The following GRIN2A variants were observed in gnomAD, a reference collection of about 807,000 sequenced individuals.
The protein encoded by GRIN2A is glutamate receptor ionotropic, NMDA 2A.
In GRIN2A, 22 loss-of-function variants were observed where a neutral mutation model predicts 113.4. The observed-to-expected ratio is 0.19, with a 90% CI of 0.14 to 0.28. The LOEUF is 0.28. Among genes scored for constraint, GRIN2A ranks in the 10% least tolerant of loss-of-function variants. The pLI, the probability that GRIN2A is intolerant of heterozygous loss-of-function variation, is 1.00. For synonymous variants in GRIN2A, 827 were observed against 738.4 expected (o/e 1.12, Z -1.94); for missense variants, 1,502 against 1,887.0 (o/e 0.80, Z 3.78).
intron 2 of GRIN2A, among the ~76,000 whole-genome samples, chr16:10,006,916 A>C (rs535925171): frequency 6.6e-6 from 1 of 152,344 alleles, no homozygotes; most frequent in Admixed American, 6.5e-5. Flanking sequence ...TATTTCACTT[A>C]ACATAGTGAC....
chr16:10,036,541 C>T (rs190948640), intron 2 of GRIN2A, among the ~76,000 whole-genome samples: 10 of 136,952 alleles, frequency 7.3e-5, no homozygotes, highest in African/African-American at 2.1e-4. Flanking sequence ...TCATTGCAAA[C>T]GCCATTCTCC....
intron 2 of GRIN2A, among the ~76,000 whole-genome samples, chr16:10,097,661 G>A (rs1177127981): frequency 6.6e-6 from 1 of 152,160 alleles, no homozygotes; most frequent in Non-Finnish European, 1.5e-5. Context: ...TGGGGACAGG[G>A]ATGGCTGATA....
chr16:9,994,800 G>A (rs542345279), intron 2 of GRIN2A, among the ~76,000 whole-genome samples: 18 of 152,330 alleles, frequency 1.2e-4, no homozygotes, highest in Middle Eastern at 3.4e-3. Flanking sequence ...CCTTTACCCT[G>A]AAAGTGCTTT....
intron 3 of GRIN2A, among the ~76,000 whole-genome samples, chr16:9,900,385 A>T (rs1471121217): frequency 6.6e-6 from 1 of 152,102 alleles, no homozygotes; most frequent in Non-Finnish European, 1.5e-5. Flanking sequence ...TGGGCATCCA[A>T]CTCTATTCAG....
In GRIN2A at chr16:10,024,221, T is replaced by C. The variant is rs551259430; in HGVS notation, c.415-85670A>G. Among the ~76,000 whole-genome samples, 3 of 108,060 alleles carry C rather than the reference T, an allele frequency of 2.8e-5. No homozygotes were observed. In the East Asian group the frequency reaches 6.3e-4, roughly 23 times the overall value. The allele number at this position is 108,060 out of a possible 152,430, so 70.9% of individuals were successfully genotyped here. ...CAAGTGGTCTCATTAATGGTATGCA[T>C]GTTTGTTTGTTTGTTTGTTTGAGAC... is the stretch of plus-strand genomic sequence containing the variant. On this transcript the variant is annotated intron_variant, in intron 2 of 12. Transcript: ENST00000330684.
chr16:9,950,265 C>T (rs983195170), intron 2 of GRIN2A, among the ~76,000 whole-genome samples: 4 of 152,178 alleles, frequency 2.6e-5, no homozygotes, highest in Non-Finnish European at 5.9e-5. Context: ...CACTCCCAAG[C>T]CCCTTTATGT....
intron 2 of GRIN2A, among the ~76,000 whole-genome samples, chr16:10,172,558 A>C (rs1262247768): frequency 1.3e-5 from 2 of 152,224 alleles, no homozygotes; most frequent in Admixed American, 6.5e-5. Context: ...TGGGGAATTT[A>C]AGAAAGGAGG....
chr16:9,991,504 A>G (rs2046111890), intron 2 of GRIN2A, among the ~76,000 whole-genome samples: 1 of 152,178 alleles, frequency 6.6e-6, no homozygotes, highest in African/African-American at 2.4e-5. Context: ...TGTCACTCAA[A>G]AGTGTCTATT....
In GRIN2A at chr16:9,764,146, G is replaced by C. The variant is rs1311723266; in HGVS notation, c.3398C>G (p.Pro1133Arg). Reference sequence around the variant, plus strand: ...CAGGGTCACATTTTCAACAAACTGGGGTGGATCTAAGTGGAAACCAGGCTC... The same window carrying C: ...CAGGGTCACATTTTCAACAAACTGGCGTGGATCTAAGTGGAAACCAGGCTC... ...EKEPGFHLDP[P>R]QFVENVTLPE... The change falls in exon 13 of 13, where the codon CCC becomes CGC. Residue 1133 changes from proline to arginine, a missense_variant. This residue lies in a region of GRIN2A where 832 missense variants were observed against 789.7 expected (regional missense o/e 1.05). Transcript: ENST00000330684. 5.0e-6 allele frequency: 8 copies of C among 1,613,582 alleles called. 1 individual carries two copies. The South Asian group carries it at 8.8e-5, about 18-fold the overall frequency.
At chr16:10,156,020 A>T (rs2049685967) in intron 2 of GRIN2A, among the ~76,000 whole-genome samples, 1 of 152,204 alleles carries the variant, frequency 6.6e-6, no homozygotes, top group African/African-American at 2.4e-5. Context: ...TCGCACAGAA[A>T]TCCACTTTAA....
chr16:9,839,445 CCTT>C (rs1234283209), intron 7 of GRIN2A, among the ~76,000 whole-genome samples: 1 of 151,690 alleles, frequency 6.6e-6, no homozygotes, highest in African/African-American at 2.4e-5. Context: ...ACAAGAATTT[CCTT>C]CTTTACAAAC....
intron 3 of GRIN2A, among the ~76,000 whole-genome samples, chr16:9,912,141 C>T (rs184788172): frequency 1.6e-4 from 24 of 149,456 alleles, no homozygotes; most frequent in African/African-American, 5.0e-4. Flanking sequence ...ATGACGATGA[C>T]GATAAAGGAA....
At chr16:9,794,066 G>A (rs1425501414) in intron 11 of GRIN2A, among the ~76,000 whole-genome samples, 1 of 152,186 alleles carries the variant, frequency 6.6e-6, no homozygotes, top group African/African-American at 2.4e-5. Flanking sequence ...ACATATGCAT[G>A]AGCATTGTTA....
Position 9,759,529 on chromosome 16 carries a change from C to T in GRIN2A, c.*3620G>A, listed in dbSNP as rs1900488815. ...AAACAAGGTGTAATTTTCTATTTTT[C>T]TCCCCAGAAAATAAGCGTGAAATGA... On this transcript the variant is annotated 3_prime_UTR_variant, in exon 13 of 13. Transcript: ENST00000330684. 4.5e-6 allele frequency: 1 copy of T among 224,650 alleles called. No individual in the cohort carries two copies. The highest frequency in any genetic ancestry group is 6.5e-5 in the East Asian group (1 of 15,412). 13.9% of individuals were successfully genotyped at this position (224,650 alleles called of 1,614,324 possible).
At chr16:9,766,036 G>A (rs16966266) in intron 12 of GRIN2A, among the ~76,000 whole-genome samples, 2,516 of 152,236 alleles carry the variant, frequency 0.017, 57 homozygotes, top group African/African-American at 0.057. Flanking sequence ...GCAAAAGGAC[G>A]TCTGGAACAT....
intron 2 of GRIN2A, among the ~76,000 whole-genome samples, chr16:10,080,907 T>G (rs1025781813): frequency 5.9e-5 from 9 of 152,136 alleles, no homozygotes; most frequent in African/African-American, 1.9e-4. Flanking sequence ...CATTCCTTCA[T>G]TCCCGTCTCA....
At chr16:10,110,559 G>C (rs1206786463) in intron 2 of GRIN2A, among the ~76,000 whole-genome samples, 1 of 152,212 alleles carries the variant, frequency 6.6e-6, no homozygotes, top group Non-Finnish European at 1.5e-5. Context: ...CCAGGACTGG[G>C]GGGTGCATGG....
chr16:9,979,845 CTGTGTGTGTGTGTG>C (rs60999132), intron 2 of GRIN2A, among the ~76,000 whole-genome samples: 2 of 133,520 alleles, frequency 1.5e-5, no homozygotes, highest in Non-Finnish European at 3.2e-5. Context: ...GACTTATATT[CTGTGTGTGTGTGTG>C]TGTGTGTGTG....
chr16:9,939,333 A>G (rs1427131452), intron 2 of GRIN2A, among the ~76,000 whole-genome samples: 2 of 152,172 alleles, frequency 1.3e-5, no homozygotes, highest in Non-Finnish European at 2.9e-5. Context: ...GCTGTAGATG[A>G]ATGCATCATG....
Sources: gnomAD v4.1 joint callset for allele counts (sites outside exome capture counted in the v4.1 genomes callset) on GRCh38, gnomAD v4.1.1 for gene constraint, gnomAD v4.1.1 regional missense constraint, MANE v1.5 for transcripts, NCBI Gene and HGNC (gene_info 2026-07-23, HGNC 2026-07-21) for gene names.